Variants in FRZB observed in about 807,000 individuals in gnomAD.
FRZB encodes the protein secreted frizzled-related protein 3.
A neutral mutation model predicts 32.5 loss-of-function variants in FRZB; 34 were observed. The observed-to-expected ratio is 1.05, with a 90% CI of 0.80 to 1.39. The LOEUF is 1.39. Ranked by LOEUF, FRZB falls within the 40% of genes most tolerant of loss-of-function variation. FRZB has a pLI of 0.00. For missense variants in FRZB, 423 were observed against 424.8 expected, an observed-to-expected ratio of 1.00 and a Z score of 0.04; for synonymous variants, 170 against 159.2, an observed-to-expected ratio of 1.07 and a Z score of -0.51.
At chr2:182,846,812 G>A (rs1297501561) in intron 2 of FRZB, among the ~76,000 whole-genome samples, 2 of 152,136 alleles carry the variant, frequency 1.3e-5, no homozygotes, top group Non-Finnish European at 2.9e-5. Flanking sequence ...AGGTATCTAT[G>A]AGCAGTTCCA....
chr2:182,865,271 G>A lies in FRZB; in HGVS notation c.478+804C>T, dbSNP rs150885528. On this transcript the variant is annotated intron_variant, in intron 1 of 5. Coordinates refer to ENST00000295113, the MANE Select transcript of FRZB (RefSeq NM_001463.4). ...ACATTACGTGAGTGTATGATAACAC[G>A]CCTTAAATATAACTCCTTTCATCTG... Among the ~76,000 whole-genome samples the A allele has an allele frequency of 7.2e-5, 11 of 152,194 alleles. No homozygotes were observed. In the South Asian group the frequency reaches 1.2e-3, roughly 17 times the overall value.
chr2:182,863,230 T>C (rs1379868151), intron 1 of FRZB, among the ~76,000 whole-genome samples: 1 of 152,236 alleles, frequency 6.6e-6, no homozygotes, highest in East Asian at 1.9e-4. Flanking sequence ...AAGCCTATCC[T>C]CTTTACTCAC....
At chr2:182,850,155 C>T (rs998645551) in intron 2 of FRZB, among the ~76,000 whole-genome samples, 3 of 145,158 alleles carry the variant, frequency 2.1e-5, no homozygotes, top group South Asian at 4.4e-4. Flanking sequence ...TTGATATTTT[C>T]ATACATTCAT....
chr2:182,849,640 C>A (rs756366170), intron 2 of FRZB, among the ~76,000 whole-genome samples: 10 of 152,206 alleles, frequency 6.6e-5, no homozygotes, highest in Non-Finnish European at 1.5e-5. Context: ...ATTTGCTCAA[C>A]TTAGCTGTAA....
chr2:182,833,884 C>T lies in FRZB; in HGVS notation c.*965G>A, dbSNP rs944644081. On this transcript the variant is annotated 3_prime_UTR_variant, in exon 6 of 6. Coordinates refer to ENST00000295113, the MANE Select transcript of FRZB (RefSeq NM_001463.4). ...AAAAAAACCTGCATATTTTATCACT[C>T]TGTAATCTACAGCATTTTTATGGAG... is the stretch of plus-strand genomic sequence containing the variant. The T allele has an allele frequency of 2.6e-5, 4 of 152,082 alleles. No individual in the cohort carries two copies. The highest frequency in any genetic ancestry group is 5.9e-5 in the Non-Finnish European group (4 of 68,022). 9.4% of individuals were successfully genotyped at this position (152,082 alleles called of 1,614,324 possible).
In FRZB at chr2:182,848,598, T is replaced by C. The variant is rs530035280; in HGVS notation, c.527-6055A>G. 1.4e-4 allele frequency among the ~76,000 whole-genome samples: 22 copies of C among 152,046 alleles called. No homozygotes were observed. In the East Asian group the frequency reaches 3.3e-3, roughly 23 times the overall value. On this transcript the variant is annotated intron_variant, in intron 2 of 5. Coordinates refer to ENST00000295113, the MANE Select transcript of FRZB (RefSeq NM_001463.4). ...CCGAACCCTAGAGTCCTGGTGTCAATGATGAAAGGGAAGAAAACGAACAAC... is the reference window on the plus strand; with the variant it reads ...CCGAACCCTAGAGTCCTGGTGTCAACGATGAAAGGGAAGAAAACGAACAAC...
rs1695508104 is a variant in FRZB at position 182,834,984 on chromosome 2, A to G, written c.862-19T>C. ...CCCAGCGCTGTGAAATTTAAAATAG[A>G]AAATAGTCACAAGCACATATCACCA... On this transcript the variant is annotated intron_variant, in intron 5 of 5. Coordinates refer to ENST00000295113, the MANE Select transcript of FRZB (RefSeq NM_001463.4). The G allele has an allele frequency of 1.3e-6, 2 of 1,545,262 alleles. No homozygotes were observed. Among genetic ancestry groups the G allele is most frequent in the South Asian group, 1.1e-5 (1 of 89,596 alleles).
At chr2:182,846,958 G>A (rs1695648428) in intron 2 of FRZB, among the ~76,000 whole-genome samples, 1 of 152,134 alleles carries the variant, frequency 6.6e-6, no homozygotes, top group Non-Finnish European at 1.5e-5. Flanking sequence ...GTAAATATGA[G>A]ATGAGAAAGG....
At chr2:182,835,523 G>A (rs556044617) in intron 5 of FRZB, among the ~76,000 whole-genome samples, 18 of 151,938 alleles carry the variant, frequency 1.2e-4, no homozygotes, top group Non-Finnish European at 2.4e-4. Flanking sequence ...TCCTGCCCTC[G>A]TTCTAAGTGT....
intron 3 of FRZB, among the ~76,000 whole-genome samples, chr2:182,839,530 C>T (rs536289254): frequency 6.6e-6 from 1 of 152,150 alleles, no homozygotes; most frequent in South Asian, 2.1e-4. Flanking sequence ...TCTCACAAGA[C>T]TTGCTTTACT....
chr2:182,839,643 A>G (rs1239705330), intron 3 of FRZB, among the ~76,000 whole-genome samples: 1 of 152,100 alleles, frequency 6.6e-6, no homozygotes, highest in Non-Finnish European at 1.5e-5. Context: ...TCCCCTTTAA[A>G]AGAGTCAAGT....
At chr2:182,854,412 G>A (rs192202764) in intron 2 of FRZB, among the ~76,000 whole-genome samples, 1 of 152,130 alleles carries the variant, frequency 6.6e-6, no homozygotes, top group Non-Finnish European at 1.5e-5. Flanking sequence ...CAGGAAGACT[G>A]GGGGGAGAAA....
chr2:182,851,329 G>A (rs1695708067), intron 2 of FRZB, among the ~76,000 whole-genome samples: 1 of 152,166 alleles, frequency 6.6e-6, no homozygotes, highest in Non-Finnish European at 1.5e-5. Context: ...ATACTTAAAT[G>A]AGAAAGTTAC....
intron 1 of FRZB, among the ~76,000 whole-genome samples, chr2:182,863,224 C>A (rs1174656955): frequency 6.6e-6 from 1 of 152,216 alleles, no homozygotes; most frequent in Non-Finnish European, 1.5e-5. Context: ...CACTCCAAGC[C>A]TATCCTCTTT....
chr2:182,834,748 A>G lies in FRZB; in HGVS notation c.*101T>C. 1.2e-6 allele frequency: 1 copy of G among 819,628 alleles called. No homozygotes were observed. Among genetic ancestry groups the G allele is most frequent in the Non-Finnish European group, 2.2e-6 (1 of 462,014 alleles). 50.8% of individuals were successfully genotyped at this position (819,628 alleles called of 1,614,324 possible). Reference sequence around the variant, plus strand: ...TATCACATGATTTTTATAGTAAACAATAGAATATGATGTGCAATAGTGCAA... The same window carrying G: ...TATCACATGATTTTTATAGTAAACAGTAGAATATGATGTGCAATAGTGCAA... On this transcript the variant is annotated 3_prime_UTR_variant, in exon 6 of 6. Coordinates refer to ENST00000295113, the MANE Select transcript of FRZB (RefSeq NM_001463.4).
intron 2 of FRZB, among the ~76,000 whole-genome samples, chr2:182,848,379 G>C (rs1347969592): frequency 6.6e-6 from 1 of 152,120 alleles, no homozygotes; most frequent in Non-Finnish European, 1.5e-5. Context: ...CAGAAGATGG[G>C]CAATATACCA....
chr2:182,846,291 A>G (rs1695639598), intron 2 of FRZB, among the ~76,000 whole-genome samples: 1 of 152,102 alleles, frequency 6.6e-6, no homozygotes, highest in Non-Finnish European at 1.5e-5. Flanking sequence ...ACTATCCCTG[A>G]CCTTTGTTTG....
chr2:182,866,470 G>A lies in FRZB; in HGVS notation c.83C>T (p.Pro28Leu), dbSNP rs778408713. The change falls in exon 1 of 6, where the codon CCC becomes CTC. Residue 28 changes from proline (P) to leucine (L), a missense_variant. By Grantham distance (98) the Pro-to-Leu change is moderately conservative. Transcript: ENST00000295113. This position sits in a 1 kb window ranked among gnomAD's most constrained non-coding sequence, Gnocchi z 4.5. ...ALAALCLLRVPGARAAACEPV... is the reference protein window; with the variant it reads ...ALAALCLLRVLGARAAACEPV... ...CTCACAGGCTGCAGCCCGAGCCCCG[G>A]GCACCCGGAGCAGGCAGAGAGCAGC... 1 of 1,562,860 alleles carries A rather than the reference G, an allele frequency of 6.4e-7. No homozygotes were observed. Among genetic ancestry groups the A allele is most frequent in the Non-Finnish European group, 8.7e-7 (1 of 1,151,778 alleles).
chr2:182,839,280 T>C (rs1051882519), intron 3 of FRZB, among the ~76,000 whole-genome samples: 1 of 152,078 alleles, frequency 6.6e-6, no homozygotes, highest in African/African-American at 2.4e-5. Flanking sequence ...ATTTTCTTCT[T>C]TGTTCGGATA....
Sources: allele counts gnomAD v4.1 joint callset (sites outside exome capture counted in the v4.1 genomes callset), GRCh38; gene constraint gnomAD v4.1.1; non-coding constraint Gnocchi (gnomAD v3.1); transcripts MANE v1.5; gene names NCBI Gene and HGNC (gene_info 2026-07-23, HGNC 2026-07-21).